The following SNTB1 variants were observed in gnomAD, a reference collection of about 807,000 sequenced individuals.
The protein encoded by SNTB1 is beta-1-syntrophin.
A neutral mutation model predicts 48.9 loss-of-function variants in SNTB1; 36 were observed. The ratio of observed to expected loss-of-function variants is 0.74; its 90% confidence interval spans 0.56 to 0.97. The LOEUF (loss-of-function observed/expected upper bound fraction) is 0.97, where lower values mean the gene tolerates loss of function less well. Among genes scored for constraint, SNTB1 ranks in the 50% least tolerant of loss-of-function variants. SNTB1 has a pLI of 0.00. For synonymous variants in SNTB1, 299 were observed against 294.6 expected, an observed-to-expected ratio of 1.01 and a Z score of -0.15; for missense variants, 786 against 703.4, an observed-to-expected ratio of 1.12 and a Z score of -1.33.
At chr8:120,680,761 A>T (rs961012101) in intron 2 of SNTB1, among the ~76,000 whole-genome samples, 13 of 152,204 alleles carry the variant, frequency 8.5e-5, no homozygotes, top group Admixed American at 4.6e-4. Flanking sequence ...AGTTCAATTA[A>T]TGTATCAAGA....
At position 120,537,209 on chromosome 8, in the gene SNTB1, G is replaced by GTCC. The variant is rs1358559528; in HGVS notation, c.*1665_*1667dup. 6.6e-6 allele frequency: 1 copy of GTCC among 151,072 alleles called. No individual in the cohort carries two copies. Among genetic ancestry groups the GTCC allele is most frequent in the Non-Finnish European group, 1.5e-5 (1 of 67,862 alleles). The allele number at this position is 151,072 out of a possible 1,614,324, so 9.4% of individuals were successfully genotyped here. ...TCACAAGATGCTCCATTAGAAAAGA[G>GTCC]TCCTGTAGGTAAGTGTGAGGAATGG... On this transcript the variant is annotated 3_prime_UTR_variant, in exon 7 of 7. Transcript: ENST00000517992.
At chr8:120,655,162 GAAA>G in intron 2 of SNTB1, 1 of 224,466 alleles carries the variant, frequency 4.5e-6, no homozygotes, top group Non-Finnish European at 9.0e-6. Context: ...GCGTAATCAG[GAAA>G]AAATTAGAAA....
intron 1 of SNTB1, among the ~76,000 whole-genome samples, chr8:120,745,146 C>T (rs1390348886): frequency 6.6e-6 from 1 of 151,888 alleles, no homozygotes; most frequent in Non-Finnish European, 1.5e-5. Flanking sequence ...CTAGGTTCCT[C>T]TCTGCTCTTG....
chr8:120,769,719 A>G (rs985420646), intron 1 of SNTB1: 2 of 152,190 alleles, frequency 1.3e-5, no homozygotes, highest in Non-Finnish European at 2.9e-5. Flanking sequence ...CCTTCCAACG[A>G]CTGACAATTT....
intron 2 of SNTB1, among the ~76,000 whole-genome samples, chr8:120,689,743 A>G (rs1297334757): frequency 1.3e-5 from 2 of 151,964 alleles, no homozygotes; most frequent in African/African-American, 4.8e-5. Context: ...GCTTTAAAAA[A>G]CCCATGAAAA....
chr8:120,565,700 G>A (rs1785064089), intron 4 of SNTB1, among the ~76,000 whole-genome samples: 1 of 152,176 alleles, frequency 6.6e-6, no homozygotes, highest in African/African-American at 2.4e-5. Flanking sequence ...ACAGCTTGTG[G>A]CCAAACAGCG....
intron 2 of SNTB1, among the ~76,000 whole-genome samples, chr8:120,667,646 C>G (rs1466996745): frequency 6.6e-6 from 1 of 152,196 alleles, no homozygotes; most frequent in African/African-American, 2.4e-5. Flanking sequence ...GAGTGAACAA[C>G]TGCGTGTGGC....
At chr8:120,663,117 A>G (rs375117301) in intron 2 of SNTB1, among the ~76,000 whole-genome samples, 50 of 152,046 alleles carry the variant, frequency 3.3e-4, no homozygotes, top group African/African-American at 1.1e-3. Flanking sequence ...TCGTTAACAG[A>G]GCCAGTTTGC....
chr8:120,786,035 C>T (rs1819917981), intron 1 of SNTB1, among the ~76,000 whole-genome samples: 1 of 152,248 alleles, frequency 6.6e-6, no homozygotes, highest in Admixed American at 6.5e-5. Flanking sequence ...GGAAATCTCA[C>T]ACAATCTACG....
chr8:120,795,080 T>C (rs1820100049), intron 1 of SNTB1, among the ~76,000 whole-genome samples: 1 of 152,076 alleles, frequency 6.6e-6, no homozygotes, highest in Non-Finnish European at 1.5e-5. Flanking sequence ...TTTTTCATCA[T>C]AAGTATGTCC....
chr8:120,594,644 G>A (rs1007850004), intron 3 of SNTB1, among the ~76,000 whole-genome samples: 3 of 152,182 alleles, frequency 2.0e-5, no homozygotes, highest in African/African-American at 7.2e-5. Flanking sequence ...AAAGTACTGG[G>A]ATTACAGGTG....
intron 2 of SNTB1, among the ~76,000 whole-genome samples, chr8:120,675,021 C>T (rs1817812280): frequency 6.6e-6 from 1 of 152,098 alleles, no homozygotes; most frequent in African/African-American, 2.4e-5. Flanking sequence ...TCTTTAGACC[C>T]AGAAGGAAAG....
At chr8:120,677,577 T>C (rs1480470403) in intron 2 of SNTB1, among the ~76,000 whole-genome samples, 2 of 152,218 alleles carry the variant, frequency 1.3e-5, no homozygotes, top group Non-Finnish European at 2.9e-5. Context: ...TTCATGATAC[T>C]GAAAGAATCC....
chr8:120,623,917 G>A (rs1369083224), intron 3 of SNTB1, among the ~76,000 whole-genome samples: 7 of 152,072 alleles, frequency 4.6e-5, no homozygotes, highest in South Asian at 2.1e-4. Flanking sequence ...ACAGAGTACC[G>A]TAGACTGGGT....
chr8:120,581,088 CAAAA>C (rs775547135), intron 3 of SNTB1, among the ~76,000 whole-genome samples: 2 of 89,988 alleles, frequency 2.2e-5, no homozygotes, highest in Non-Finnish European at 2.5e-5. Context: ...GACCCTGTCT[CAAAA>C]AAAAAAAAAA....
At chr8:120,543,068 G>A (rs1815319344) in intron 5 of SNTB1, among the ~76,000 whole-genome samples, 1 of 152,152 alleles carries the variant, frequency 6.6e-6, no homozygotes, top group African/African-American at 2.4e-5. Context: ...TTGAGCAGGT[G>A]CGGTGCCAGC....
rs562713726 is a variant in SNTB1 at position 120,811,136 on chromosome 8, C to T, written c.571+137G>A. On this transcript the variant is annotated intron_variant, in intron 1 of 6. Coordinates refer to ENST00000517992, the MANE Select transcript of SNTB1 (RefSeq NM_021021.4). ...GCCACCCCCTGCGCCACCCTTCCCC[C>T]CCCCCCAACACACACACACCCGGCC... 7.4e-4 allele frequency: 907 copies of T among 1,220,416 alleles called. 18 individuals are homozygous for T. The South Asian group carries it at 0.014, about 18-fold the overall frequency. 75.6% of individuals were successfully genotyped at this position (1,220,416 alleles called of 1,614,324 possible). A position where few individuals can be genotyped will look rare whatever the true frequency, so the allele number is the denominator to read the frequency against.
In SNTB1 at chr8:120,627,139, T is replaced by G. The variant is rs185265164; in HGVS notation, c.996+5305A>C. ...TAGATTTTGAAAGAAGCGATGTGAT[T>G]GGTCACCAGTCAGGATGTACATCTG... On this transcript the variant is annotated intron_variant, in intron 3 of 6. Coordinates refer to ENST00000517992, the MANE Select transcript of SNTB1 (RefSeq NM_021021.4). 1.4e-4 allele frequency among the ~76,000 whole-genome samples: 21 copies of G among 152,300 alleles called. 1 individual carries two copies. In the East Asian group the frequency reaches 4.1e-3, roughly 29 times the overall value.
chr8:120,756,366 T>C (rs1284252656), intron 1 of SNTB1, among the ~76,000 whole-genome samples: 1 of 152,126 alleles, frequency 6.6e-6, no homozygotes, highest in African/African-American at 2.4e-5. Flanking sequence ...AAGCGATGGA[T>C]GGACAGCTAA....
Sources: allele counts gnomAD v4.1 joint callset (sites outside exome capture counted in the v4.1 genomes callset), GRCh38; gene constraint gnomAD v4.1.1; transcripts MANE v1.5; gene names NCBI Gene and HGNC (gene_info 2026-07-23, HGNC 2026-07-21).